EXOC3: variants seen among roughly 807,000 people sequenced by gnomAD.
The protein encoded by EXOC3 is SEC6-like 1.
In EXOC3, 21 loss-of-function variants were observed where a neutral mutation model predicts 73.7. The observed-to-expected ratio is 0.29, with a 90% confidence interval of 0.20 to 0.41. The LOEUF (loss-of-function observed/expected upper bound fraction) is 0.41. Among genes scored for constraint, EXOC3 ranks in the 10% least tolerant of loss-of-function variants. The probability of loss-of-function intolerance (pLI) is 1.00; values close to 1 mark genes in which losing one functional copy is unlikely to be tolerated. For missense variants in EXOC3, 842 were observed against 985.1 expected, an observed-to-expected ratio of 0.85 and a Z score of 1.95; for synonymous variants, 410 against 389.1, an observed-to-expected ratio of 1.05 and a Z score of -0.63.
Position 466,903 on chromosome 5 carries a change from C to T in EXOC3, c.*5C>T, listed in dbSNP as rs147374694. The T allele has an allele frequency of 2.4e-5, 39 of 1,593,180 alleles. No homozygotes were observed. The highest frequency in any genetic ancestry group is 1.7e-4 in the Middle Eastern group (1 of 6,060). On this transcript the variant is annotated 3_prime_UTR_variant, in exon 13 of 13. Coordinates refer to ENST00000512944, the MANE Select transcript of EXOC3 (RefSeq NM_007277.5). ...GTGGCCAAGCTGCTCAAGTAGCCTCCGCCGGCCTGCCCTGCTCGCCCCTCC... is the reference window on the plus strand; with the variant it reads ...GTGGCCAAGCTGCTCAAGTAGCCTCTGCCGGCCTGCCCTGCTCGCCCCTCC...
Position 457,012 on chromosome 5 carries a change from T to G in EXOC3, c.1164+6T>G. On this transcript the variant is annotated splice_donor_region_variant and intron_variant, in intron 5 of 12. Coordinates refer to ENST00000512944, the MANE Select transcript of EXOC3 (RefSeq NM_007277.5). ...CGTACATGTCCACGCTCACTGTGAG[T>G]AGGGCTGGCCTGCGTGCCACAGACC... 6.2e-7 allele frequency: 1 copy of G among 1,603,664 alleles called. No individual in the cohort carries two copies. Among genetic ancestry groups the G allele is most frequent in the Non-Finnish European group, 8.5e-7 (1 of 1,170,830 alleles).
At chr5:452,776 A>G (rs1049016339) in intron 3 of EXOC3, among the ~76,000 whole-genome samples, 2 of 152,250 alleles carry the variant, frequency 1.3e-5, no homozygotes, top group Non-Finnish European at 2.9e-5. Context: ...CTGGGCATGC[A>G]TTGGCCACTT....
At chr5:448,127 G>A (rs1232594379) in intron 3 of EXOC3, among the ~76,000 whole-genome samples, 2 of 152,224 alleles carry the variant, frequency 1.3e-5, no homozygotes, top group Non-Finnish European at 2.9e-5. Flanking sequence ...AAGCCACCCT[G>A]TGCATGGGAC....
chr5:465,575 T>C (rs1738122972), intron 11 of EXOC3, 143 bp from the exon 12 acceptor site: 1 of 1,085,092 alleles, frequency 9.2e-7, no homozygotes. Context: ...CCCCTGGCCC[T>C]GTCACTGAGC....
rs539025757 is a variant in EXOC3, at chr5:448,838, G to A, written c.364+1086G>A. Among the ~76,000 whole-genome samples the A allele has an allele frequency of 1.3e-3, 203 of 152,296 alleles. 1 individual carries two copies. Among genetic ancestry groups the A allele is most frequent in the Non-Finnish European group, 2.2e-3 (148 of 68,030 alleles). On this transcript the variant is annotated intron_variant, in intron 3 of 12. Coordinates refer to ENST00000512944, the MANE Select transcript of EXOC3 (RefSeq NM_007277.5). ...GTGCCCTTCTTCCAGGGCATGATCC[G>A]TAGGGTCACATGTGTGGCTGCAGTC... is the stretch of plus-strand genomic sequence containing the variant.
chr5:466,529 G>A, intron 12 of EXOC3, 198 bp from the exon 13 acceptor site: 1 of 558,874 alleles, frequency 1.8e-6, no homozygotes, highest in Non-Finnish European at 3.2e-6. Flanking sequence ...AAATCTTTCT[G>A]CAATTGGATT....
intron 3 of EXOC3, among the ~76,000 whole-genome samples, chr5:451,547 A>G (rs1737658739): frequency 6.6e-6 from 1 of 152,216 alleles, no homozygotes; most frequent in South Asian, 2.1e-4. Flanking sequence ...CAGAACAAAT[A>G]TTAGTCTCTT....
At chr5:445,875 G>A (rs774876044) in intron 1 of EXOC3, among the ~76,000 whole-genome samples, 7 of 152,158 alleles carry the variant, frequency 4.6e-5, no homozygotes, top group Non-Finnish European at 1.0e-4. Flanking sequence ...CTACATGCTG[G>A]GTGGTCTGGG....
At chr5:455,771 T>C (rs1737793441) in intron 4 of EXOC3, among the ~76,000 whole-genome samples, 1 of 152,188 alleles carries the variant, frequency 6.6e-6, no homozygotes, top group Admixed American at 6.5e-5. Context: ...GCCCCGCTAA[T>C]TTTTTTGTAT....
At chr5:462,484 G>A (rs1471668099) in intron 9 of EXOC3, 177 bp downstream of exon 9, 13 of 626,950 alleles carry the variant, frequency 2.1e-5, no homozygotes, top group South Asian at 5.7e-5. Context: ...ACGCTGCTTC[G>A]TATGATGCAG....
At chr5:466,513 G>A in intron 12 of EXOC3, 4 of 552,988 alleles carry the variant, frequency 7.2e-6, no homozygotes, top group South Asian at 5.4e-5. Context: ...TAAAAGCAGT[G>A]TTGAAAAATC....
chr5:465,316 G>A (rs1230453187), intron 11 of EXOC3, 44 bp downstream of exon 11: 2 of 1,548,790 alleles, frequency 1.3e-6, no homozygotes, highest in Admixed American at 2.0e-5. Flanking sequence ...CTGTCGCTCC[G>A]CGGCCCTGTT....
At chr5:445,993 T>C (rs568044312) in intron 1 of EXOC3, among the ~76,000 whole-genome samples, 157 bp from the exon 2 acceptor site, 27 of 152,332 alleles carry the variant, frequency 1.8e-4, no homozygotes, top group Middle Eastern at 3.4e-3. Flanking sequence ...GAAGGTTTGT[T>C]TATCTTATCA....
chr5:462,106 G>A, intron 8 of EXOC3, 36 bp downstream of exon 8: 3 of 1,598,074 alleles, frequency 1.9e-6, no homozygotes, highest in Non-Finnish European at 2.6e-6. Flanking sequence ...GGGGAGCGGT[G>A]GAGGCCGGCC....
intron 1 of EXOC3, among the ~76,000 whole-genome samples, chr5:445,575 C>A (rs1456828499): frequency 1.3e-5 from 2 of 152,108 alleles, no homozygotes; most frequent in African/African-American, 4.8e-5. Context: ...AGGATGGTCT[C>A]GATCTCCTGA....
chr5:457,395 CAGAGTG>C, intron 5 of EXOC3: 1 of 266,360 alleles, frequency 3.8e-6, no homozygotes, highest in Non-Finnish European at 7.3e-6. Context: ...CAGGTGGTCT[CAGAGTG>C]AGAAGAGGAG....
rs1024776712 is a variant in EXOC3, at chr5:456,890, A to G, written c.1048A>G (p.Thr350Ala). 1.3e-5 allele frequency: 21 copies of G among 1,611,532 alleles called. No homozygotes were observed. The highest frequency in any genetic ancestry group is 1.5e-5 in the Non-Finnish European group (18 of 1,177,828). Residue 350 changes from threonine to alanine, a missense_variant and splice_region_variant, in exon 5 of 13, where the codon ACT (threonine) becomes GCT (alanine). Transcript: ENST00000512944. ...LTWVLNTYTS[T>A]EMMRNVELAP... ...CTCACATTCCTGGTTCCCCCATAGT[A>G]CTGAGATGATGAGGAACGTGGAGCT...
intron 4 of EXOC3, 81 bp downstream of exon 4, chr5:454,132 C>T (rs561167057): frequency 5.9e-5 from 72 of 1,221,928 alleles, no homozygotes; most frequent in Non-Finnish European, 6.0e-5. Flanking sequence ...GCTGGAGAGC[C>T]GACCTCAGGG....
At chr5:447,821 T>C (rs1737549961) in intron 3 of EXOC3, 69 bp downstream of exon 3, 1 of 1,136,964 alleles carries the variant, frequency 8.8e-7, no homozygotes. Flanking sequence ...GAGTGCTCTG[T>C]GTGCAGTGTG....
Sources: allele counts gnomAD v4.1 joint callset (sites outside exome capture counted in the v4.1 genomes callset), GRCh38; gene constraint gnomAD v4.1.1; transcripts MANE v1.5; gene names NCBI Gene and HGNC (gene_info 2026-07-23, HGNC 2026-07-21).